TXK: variants seen among roughly 807,000 people sequenced by gnomAD.
The protein encoded by TXK is tyrosine-protein kinase TXK.
TXK carries 60 observed loss-of-function variants against 81.0 expected under a neutral mutation model. That is an observed-to-expected ratio of 0.74 (90% CI 0.60 to 0.92). The LOEUF (loss-of-function observed/expected upper bound fraction) is 0.92, where lower values mean the gene tolerates loss of function less well. Among genes scored for constraint, TXK ranks in the 40% least tolerant of loss-of-function variants. The pLI is 0.00. For synonymous variants in TXK, 203 were observed against 210.7 expected, an observed-to-expected ratio of 0.96 and a Z score of 0.32; for missense variants, 581 against 638.3, an observed-to-expected ratio of 0.91 and a Z score of 0.97.
Position 48,073,965 on chromosome 4 carries a change from A to G in TXK, c.1327T>C (p.Tyr443His). ...SPPEVFLFNKYSSKSDVWSFG... is the reference protein window; with the variant it reads ...SPPEVFLFNKHSSKSDVWSFG... ...GACCAGACATCAGATTTACTGCTGT[A>G]CTTATTGAAAAGAAAAACTTCAGGA... Residue 443 changes from tyrosine (Y) to histidine (H), a missense_variant, in exon 13 of 15, where the codon TAC becomes CAC. Tyr to His is a moderately conservative substitution (Grantham distance 83). Transcript: ENST00000264316. 1.9e-6 allele frequency: 3 copies of G among 1,613,454 alleles called. No homozygotes were observed. Among genetic ancestry groups the G allele is most frequent in the Non-Finnish European group, 2.5e-6 (3 of 1,179,432 alleles).
intron 7 of TXK, among the ~76,000 whole-genome samples, chr4:48,094,915 C>G (rs2109435735): frequency 6.6e-6 from 1 of 152,322 alleles, no homozygotes; most frequent in Admixed American, 6.5e-5. Context: ...TCTACTACAA[C>G]TAATCTCCCC....
intron 3 of TXK, among the ~76,000 whole-genome samples, chr4:48,112,809 CTTGTT>C (rs1718678435): frequency 6.6e-6 from 1 of 151,760 alleles, no homozygotes; most frequent in African/African-American, 2.4e-5. Context: ...ATAGTTTTAC[CTTGTT>C]TTAAGGATTT....
rs551552773 is a variant in TXK at position 48,126,128 on chromosome 4, A to G, written c.16+8027T>C. ...TTAAATAGTTTGACACTTGAAAAAC[A>G]TGGTATAAACATTTACATGAAGATT... On this transcript the variant is annotated intron_variant, in intron 1 of 14. Transcript: ENST00000264316. 1.3e-5 allele frequency among the ~76,000 whole-genome samples: 2 copies of G among 151,900 alleles called. 1 individual carries two copies. Among genetic ancestry groups the G allele is most frequent in the African/African-American group, 4.8e-5 (2 of 41,466 alleles).
At chr4:48,126,048 G>T (rs996721155) in intron 1 of TXK, among the ~76,000 whole-genome samples, 5 of 152,170 alleles carry the variant, frequency 3.3e-5, no homozygotes, top group African/African-American at 1.2e-4. Flanking sequence ...AAATATCTGG[G>T]CACCATGGCC....
intron 8 of TXK, among the ~76,000 whole-genome samples, chr4:48,091,625 C>A (rs1359986842): frequency 6.6e-6 from 1 of 152,040 alleles, no homozygotes; most frequent in Non-Finnish European, 1.5e-5. Context: ...CCTGCCTCAG[C>A]CTCTCGAGTA....
chr4:48,079,862 T>C, intron 11 of TXK, 50 bp downstream of exon 11: 1 of 1,270,458 alleles, frequency 7.9e-7, no homozygotes, highest in Non-Finnish European at 1.1e-6. Flanking sequence ...CACATCCTTC[T>C]GAATATAGGT....
At chr4:48,072,721 G>A (rs1206105645) in intron 13 of TXK, among the ~76,000 whole-genome samples, 3 of 152,190 alleles carry the variant, frequency 2.0e-5, no homozygotes, top group South Asian at 2.1e-4. Context: ...AGGGAGACAA[G>A]TAGGTAAAAT....
At chr4:48,103,454 G>C (rs1718281269) in intron 6 of TXK, among the ~76,000 whole-genome samples, 1 of 152,224 alleles carries the variant, frequency 6.6e-6, no homozygotes, top group Non-Finnish European at 1.5e-5. Context: ...CTGAGGATGG[G>C]CCTGTGTCCC....
intron 8 of TXK, among the ~76,000 whole-genome samples, chr4:48,092,825 G>A (rs1300001435): frequency 6.6e-6 from 1 of 152,156 alleles, no homozygotes; most frequent in East Asian, 1.9e-4. Flanking sequence ...AAGAGGAGAC[G>A]GAGGTCGCTC....
At chr4:48,110,645 T>C (rs1718605549) in intron 4 of TXK, 42 bp from the exon 5 acceptor site, 1 of 1,470,378 alleles carries the variant, frequency 6.8e-7, no homozygotes, top group East Asian at 2.3e-5. Context: ...GCTTGGCATG[T>C]TTGTGGCATT....
chr4:48,068,671 G>A (rs1039753984), intron 14 of TXK, among the ~76,000 whole-genome samples: 5 of 152,186 alleles, frequency 3.3e-5, no homozygotes, highest in Non-Finnish European at 7.3e-5. Context: ...TCACTTAGGG[G>A]TGTGGTTTAG....
chr4:48,114,970 T>C (rs1208099373), intron 1 of TXK, among the ~76,000 whole-genome samples: 4 of 152,086 alleles, frequency 2.6e-5, no homozygotes, highest in Non-Finnish European at 5.9e-5. Flanking sequence ...ATACCCTGCA[T>C]ACCCCAGACC....
chr4:48,121,615 C>T (rs1718964825), intron 1 of TXK, among the ~76,000 whole-genome samples: 1 of 152,180 alleles, frequency 6.6e-6, no homozygotes, highest in African/African-American at 2.4e-5. Context: ...CTCTGGATTA[C>T]TTATAATACC....
chr4:48,067,705 T>A lies in TXK; in HGVS notation c.1516A>T (p.Lys506Ter), dbSNP rs770134818. 1.2e-6 allele frequency: 2 copies of A among 1,614,052 alleles called. No homozygotes were observed. The highest frequency in any genetic ancestry group is 1.7e-6 in the Non-Finnish European group (2 of 1,179,946). Residue 506 changes from lysine (K) to a stop codon, truncating the protein, a stop_gained and splice_region_variant, in exon 15 of 15, where the codon AAA (lysine) becomes TAA (stop). Coordinates refer to ENST00000264316, the MANE Select transcript of TXK (RefSeq NM_003328.3). LOFTEE classifies it high-confidence loss of function. ...YEVMYSCWHEKPEGRPTFAEL... is the reference protein window; with the variant it reads ...YEVMYSCWHE The stretch of plus-strand genomic sequence containing the variant: ...GCAAATGTAGGGCGGCCTTCAGGTT[T>A]CTGGAAAAGGGAAGTGGGGGTGGTT...
intron 13 of TXK, among the ~76,000 whole-genome samples, chr4:48,072,422 T>C (rs1227748507): frequency 6.6e-6 from 1 of 152,048 alleles, no homozygotes; most frequent in East Asian, 1.9e-4. Context: ...TAGCCAAGAG[T>C]TTCAGCCAGT....
At chr4:48,131,668 C>A (rs1325202135) in intron 1 of TXK, among the ~76,000 whole-genome samples, 2 of 152,144 alleles carry the variant, frequency 1.3e-5, no homozygotes, top group Non-Finnish European at 2.9e-5. Context: ...GAGAATAATC[C>A]TCAAAATATC....
intron 1 of TXK, among the ~76,000 whole-genome samples, chr4:48,117,315 G>C (rs899957194): frequency 6.6e-6 from 1 of 152,188 alleles, no homozygotes; most frequent in African/African-American, 2.4e-5. Context: ...TTTTTGTTTA[G>C]TCTTGTCTTT....
rs192394915 is a variant in TXK, at chr4:48,128,846, C to T, written c.16+5309G>A. 7.2e-3 allele frequency among the ~76,000 whole-genome samples: 1,088 copies of T among 151,992 alleles called. 15 individuals are homozygous for T. Among genetic ancestry groups the T allele is most frequent in the African/African-American group, 0.025 (1,025 of 41,448 alleles). On this transcript the variant is annotated intron_variant, in intron 1 of 14. Transcript: ENST00000264316. ...CCTCCCAAAGTGCTAGGATTACAGG[C>T]GTGAGCCACCGCGCCCAGCCTATCT... is the stretch of plus-strand genomic sequence containing the variant.
At chr4:48,124,264 C>T (rs988257423) in intron 1 of TXK, among the ~76,000 whole-genome samples, 5 of 151,966 alleles carry the variant, frequency 3.3e-5, no homozygotes, top group Admixed American at 1.3e-4. Context: ...GCAACATAAC[C>T]CCCTCCCTTC....
Sources: gnomAD v4.1 joint callset for allele counts (sites outside exome capture counted in the v4.1 genomes callset) on GRCh38, gnomAD v4.1.1 for gene constraint, MANE v1.5 for transcripts, NCBI Gene and HGNC (gene_info 2026-07-23, HGNC 2026-07-21) for gene names.